The following PAK5 variants were observed in gnomAD, a reference collection of about 807,000 sequenced individuals.
PAK5 encodes p21 (RAC1) activated kinase 5.
A neutral mutation model predicts 65.9 loss-of-function variants in PAK5; 16 were observed. That is an observed-to-expected ratio of 0.24 (90% CI 0.16 to 0.37). The LOEUF (loss-of-function observed/expected upper bound fraction) is 0.37. Among genes scored for constraint, PAK5 ranks in the 10% least tolerant of loss-of-function variants. The probability of loss-of-function intolerance (pLI) is 1.00; values close to 1 mark genes in which losing one functional copy is unlikely to be tolerated. For synonymous variants in PAK5, 371 were observed against 354.9 expected (o/e 1.05, Z -0.51); for missense variants, 785 against 903.9 (o/e 0.87, Z 1.69).
Position 9,559,825 on chromosome 20 carries a change from G to A in PAK5, c.1617-2091C>T, listed in dbSNP as rs543894815. Among the ~76,000 whole-genome samples the A allele has an allele frequency of 5.9e-5, 9 of 152,154 alleles. No individual in the cohort carries two copies. In the South Asian group the frequency reaches 1.9e-3, roughly 32 times the overall value. On this transcript the variant is annotated intron_variant, in intron 6 of 9. Transcript: ENST00000353224. ...AGTCTCATACAAAGGCAGGTGACAA[G>A]AAATGTTTTTGCCTGAAACAGAGGA... is the stretch of plus-strand genomic sequence containing the variant.
chr20:9,626,733 A>AATT (rs1397588936), intron 3 of PAK5, among the ~76,000 whole-genome samples: 177 of 152,356 alleles, frequency 1.2e-3, no homozygotes, highest in African/African-American at 3.9e-3. Context: ...TGCCATACTT[A>AATT]CAGTTTGGAC....
At chr20:9,584,241 A>T (rs1339632598) in intron 3 of PAK5, among the ~76,000 whole-genome samples, 1 of 152,212 alleles carries the variant, frequency 6.6e-6, no homozygotes, top group Non-Finnish European at 1.5e-5. Context: ...AGCCTTAAAA[A>T]TATCAAGTCT....
At chr20:9,546,410 C>T (rs1422109763) in intron 7 of PAK5, among the ~76,000 whole-genome samples, 3 of 152,086 alleles carry the variant, frequency 2.0e-5, no homozygotes, top group African/African-American at 4.8e-5. Context: ...GTGAAATGTA[C>T]ACACTTTAGG....
chr20:9,829,067 A>C (rs894838345), intron 1 of PAK5, among the ~76,000 whole-genome samples: 2 of 152,242 alleles, frequency 1.3e-5, no homozygotes, highest in African/African-American at 4.8e-5. Context: ...AATTCCATTG[A>C]AAATTAGCTA....
rs60683209 is a variant in PAK5 at position 9,706,658 on chromosome 20, C to CT, written c.-12+4627dup. ...CATTCCTGGCTAATTTTTGTTTTTT[C>CT]TTTTTTTTTTTTGCTGTTGTTGTTT... On this transcript the variant is annotated intron_variant, in intron 2 of 9. Coordinates refer to ENST00000353224, the MANE Select transcript of PAK5 (RefSeq NM_177990.4). 7.1e-3 allele frequency among the ~76,000 whole-genome samples: 1,010 copies of CT among 141,448 alleles called. 10 individuals carry two copies. The highest frequency in any genetic ancestry group is 0.01 in the Middle Eastern group (3 of 288). 92.8% of individuals were successfully genotyped at this position (141,448 alleles called of 152,430 possible).
chr20:9,592,693 G>A (rs919458761), intron 3 of PAK5, among the ~76,000 whole-genome samples: 1 of 152,182 alleles, frequency 6.6e-6, no homozygotes, highest in African/African-American at 2.4e-5. Flanking sequence ...ACTCAGAATG[G>A]GTGTTTGCCA....
chr20:9,575,185 C>G (rs1218341257), intron 4 of PAK5, among the ~76,000 whole-genome samples: 7 of 149,396 alleles, frequency 4.7e-5, no homozygotes, highest in African/African-American at 1.8e-4. Context: ...CCTTTTCTTC[C>G]CATCCTTTTT....
intron 1 of PAK5, among the ~76,000 whole-genome samples, chr20:9,807,361 T>G (rs2049245238): frequency 6.6e-6 from 1 of 152,094 alleles, no homozygotes; most frequent in South Asian, 2.1e-4. Flanking sequence ...ATTTAAAGGT[T>G]TGGCAAATAC....
At chr20:9,764,922 T>C (rs1048941783) in intron 1 of PAK5, among the ~76,000 whole-genome samples, 2 of 152,206 alleles carry the variant, frequency 1.3e-5, no homozygotes. Flanking sequence ...GTACATCATA[T>C]ACCCACAGAT....
intron 1 of PAK5, among the ~76,000 whole-genome samples, chr20:9,799,295 C>G (rs1439787607): frequency 2.0e-5 from 3 of 152,148 alleles, no homozygotes; most frequent in Admixed American, 1.3e-4. Context: ...TCACTGCTGT[C>G]CACTTAATAG....
chr20:9,624,473 G>T (rs1003026642), intron 3 of PAK5, among the ~76,000 whole-genome samples: 3 of 151,904 alleles, frequency 2.0e-5, no homozygotes, highest in Non-Finnish European at 2.9e-5. Context: ...CTTCTAGAAA[G>T]ATTTTTATGC....
chr20:9,627,751 C>A (rs543957321), intron 3 of PAK5, among the ~76,000 whole-genome samples: 1 of 151,988 alleles, frequency 6.6e-6, no homozygotes, highest in African/African-American at 2.4e-5. Flanking sequence ...CTCAGCCTCC[C>A]GAGTAGCTGG....
At chr20:9,660,609 G>T (rs1346484732) in intron 2 of PAK5, among the ~76,000 whole-genome samples, 2 of 152,102 alleles carry the variant, frequency 1.3e-5, no homozygotes, top group South Asian at 2.1e-4. Flanking sequence ...CAGGGGAAAA[G>T]AATTTTTATA....
At chr20:9,574,900 A>G (rs772786838) in intron 4 of PAK5, among the ~76,000 whole-genome samples, 11 of 152,192 alleles carry the variant, frequency 7.2e-5, no homozygotes, top group Non-Finnish European at 1.5e-5. Context: ...TAGCACTGTC[A>G]TTCCATAACC....
At chr20:9,636,580 TAAAAGATA>T (rs751152619) in intron 3 of PAK5, among the ~76,000 whole-genome samples, 3 of 152,134 alleles carry the variant, frequency 2.0e-5, no homozygotes, top group Admixed American at 6.5e-5. Flanking sequence ...CTTCAATCTT[TAAAAGATA>T]AAAAGAAGAT....
intron 1 of PAK5, among the ~76,000 whole-genome samples, chr20:9,797,452 CA>C (rs1460750991): frequency 7.1e-6 from 1 of 140,294 alleles, no homozygotes; most frequent in African/African-American, 2.7e-5. Flanking sequence ...ACAATGAGGA[CA>C]CTTGGACACA....
At chr20:9,590,692 C>A (rs1029135503) in intron 3 of PAK5, among the ~76,000 whole-genome samples, 3 of 151,952 alleles carry the variant, frequency 2.0e-5, no homozygotes, top group Non-Finnish European at 4.4e-5. Flanking sequence ...AGTCATATGG[C>A]ACCACAGGCA....
At chr20:9,584,979 G>T (rs2046043610) in intron 3 of PAK5, among the ~76,000 whole-genome samples, 1 of 141,070 alleles carries the variant, frequency 7.1e-6, no homozygotes, top group Non-Finnish European at 1.5e-5. Flanking sequence ...GCACACCAAG[G>T]TCTTAAAGGG....
intron 1 of PAK5, among the ~76,000 whole-genome samples, chr20:9,813,362 C>A (rs986224695): frequency 3.3e-5 from 5 of 150,910 alleles, no homozygotes; most frequent in Non-Finnish European, 7.4e-5. Context: ...ACAGGTATAC[C>A]TCAATAAAGC....
Sources: gnomAD v4.1 joint callset for allele counts (sites outside exome capture counted in the v4.1 genomes callset) on GRCh38, gnomAD v4.1.1 for gene constraint, MANE v1.5 for transcripts, NCBI Gene and HGNC (gene_info 2026-07-23, HGNC 2026-07-21) for gene names.